Variants in CADPS observed in about 807,000 individuals in gnomAD.
The protein encoded by CADPS is calcium-dependent secretion activator 1.
In CADPS, 57 loss-of-function variants were observed where a neutral mutation model predicts 167.3. The ratio of observed to expected loss-of-function variants is 0.34; its 90% CI spans 0.28 to 0.42. The LOEUF (loss-of-function observed/expected upper bound fraction) is 0.42. CADPS is among the 20% of genes least tolerant of loss of function. CADPS has a pLI of 1.00. For synonymous variants in CADPS, 676 were observed against 635.3 expected (o/e 1.06, Z -0.96); for missense variants, 1,414 against 1,738.1 (o/e 0.81, Z 3.32).
In CADPS at chr3:62,455,708, A is replaced by G. The variant is rs1234600136; in HGVS notation, c.3636+9659T>C. Among the ~76,000 whole-genome samples, 1 of 152,160 alleles carries G rather than the reference A, an allele frequency of 6.6e-6. No homozygotes were observed. The highest frequency in any genetic ancestry group is 1.5e-5 in the Non-Finnish European group (1 of 68,030). On this transcript the variant is annotated intron_variant, in intron 26 of 29. Transcript: ENST00000383710. The surrounding 1 kb of genome is among the most constrained non-coding windows in gnomAD (Gnocchi z 4.4). The stretch of plus-strand genomic sequence containing the variant: ...TTTGTGTTTTGTTTGCCTTTTGAAC[A>G]TCTCTCAACACTAAGAAGGGTGACA...
At chr3:62,529,294 T>A (rs1424472531) in intron 13 of CADPS, among the ~76,000 whole-genome samples, 1 of 152,188 alleles carries the variant, frequency 6.6e-6, no homozygotes, top group South Asian at 2.1e-4. Flanking sequence ...TAAGCCTCAA[T>A]AGGACCAGTC....
At chr3:62,859,028 A>G (rs2080243431) in intron 1 of CADPS, among the ~76,000 whole-genome samples, 1 of 152,150 alleles carries the variant, frequency 6.6e-6, no homozygotes. Context: ...ATGCCAAAGG[A>G]TAGTAATTAG....
intron 3 of CADPS, among the ~76,000 whole-genome samples, chr3:62,715,564 T>C (rs2084357705): frequency 6.6e-6 from 1 of 150,964 alleles, no homozygotes; most frequent in Non-Finnish European, 1.5e-5. Flanking sequence ...ATATCATAAA[T>C]ACTATAATAC....
At chr3:62,554,076 G>A (rs1162172860) in intron 10 of CADPS, among the ~76,000 whole-genome samples, 2 of 152,186 alleles carry the variant, frequency 1.3e-5, no homozygotes, top group Admixed American at 6.5e-5. Flanking sequence ...GTCTTTATGA[G>A]TCGTATAAGA....
Position 62,556,034 on chromosome 3 carries a change from A to G in CADPS, c.1753+1371T>C, listed in dbSNP as rs2078086493. ...TTGCAGATGTGAGCCACCACTCCTC[A>G]CCCTAGCCTTCTACTTAAAAATAAA... On this transcript the variant is annotated intron_variant, in intron 10 of 29. Coordinates refer to ENST00000383710, the MANE Select transcript of CADPS (RefSeq NM_003716.4). Among the ~76,000 whole-genome samples the G allele has an allele frequency of 8.5e-5, 13 of 152,140 alleles. 1 individual carries two copies. The South Asian group carries it at 2.3e-3, about 27-fold the overall frequency.
At chr3:62,515,147 C>T (rs1239989648) in intron 16 of CADPS, among the ~76,000 whole-genome samples, 1 of 152,000 alleles carries the variant, frequency 6.6e-6, no homozygotes, top group African/African-American at 2.4e-5. Flanking sequence ...TTTCTTTTCC[C>T]CCCAGTTGTC....
At chr3:62,859,588 G>T (rs536071561) in intron 1 of CADPS, among the ~76,000 whole-genome samples, 12 of 152,248 alleles carry the variant, frequency 7.9e-5, no homozygotes, top group Admixed American at 6.5e-4. Flanking sequence ...TACTTTGAAG[G>T]TCTATACTGC....
intron 3 of CADPS, among the ~76,000 whole-genome samples, chr3:62,750,051 G>T (rs1194728777): frequency 6.6e-6 from 1 of 152,052 alleles, no homozygotes; most frequent in Non-Finnish European, 1.5e-5. Context: ...ATAAAGACAG[G>T]TTTAAAAAGT....
intron 17 of CADPS, among the ~76,000 whole-genome samples, chr3:62,509,090 G>A (rs9859155): frequency 1.5e-4 from 23 of 151,676 alleles, no homozygotes; most frequent in African/African-American, 5.6e-4. Context: ...ATCACTTGAG[G>A]CCAGGAGTTC....
chr3:62,739,575 A>G (rs1473045283), intron 3 of CADPS, among the ~76,000 whole-genome samples: 1 of 152,192 alleles, frequency 6.6e-6, no homozygotes, highest in Non-Finnish European at 1.5e-5. Flanking sequence ...CCTATACATA[A>G]GGATTTCACA....
At chr3:62,727,138 A>G (rs912458172) in intron 3 of CADPS, among the ~76,000 whole-genome samples, 5 of 151,826 alleles carry the variant, frequency 3.3e-5, no homozygotes, top group Non-Finnish European at 7.3e-5. Flanking sequence ...CTTCTACCCA[A>G]AAGAAAGAGA....
At chr3:62,822,872 T>C (rs2152942037) in intron 1 of CADPS, among the ~76,000 whole-genome samples, 1 of 151,768 alleles carries the variant, frequency 6.6e-6, no homozygotes, top group Admixed American at 6.6e-5. Context: ...TAAAATTAAA[T>C]TAAAAAAATA....
intron 2 of CADPS, among the ~76,000 whole-genome samples, chr3:62,757,267 C>T (rs897512532): frequency 1.3e-5 from 2 of 152,166 alleles, no homozygotes; most frequent in African/African-American, 2.4e-5. Flanking sequence ...GTTATAAGCT[C>T]TCAGCCCCAG....
At chr3:62,444,302 G>A (rs182285182) in intron 27 of CADPS, among the ~76,000 whole-genome samples, 2 of 152,274 alleles carry the variant, frequency 1.3e-5, no homozygotes, top group Non-Finnish European at 2.9e-5. Context: ...AATAGAGTGT[G>A]GACATCACAC....
chr3:62,651,195 C>T (rs967661062), intron 4 of CADPS, 115 bp from the exon 5 acceptor site: 72 of 711,420 alleles, frequency 1.0e-4, no homozygotes, highest in Non-Finnish European at 1.5e-4. Flanking sequence ...GTGAAATTCA[C>T]CCAGATCTCA....
chr3:62,564,359 C>T (rs142089035), intron 9 of CADPS, among the ~76,000 whole-genome samples: 2 of 152,128 alleles, frequency 1.3e-5, no homozygotes, highest in Non-Finnish European at 2.9e-5. Context: ...GGCCACTTAT[C>T]CACTCTGAGC....
At chr3:62,778,048 G>A (rs1032594057) in intron 1 of CADPS, among the ~76,000 whole-genome samples, 1 of 152,206 alleles carries the variant, frequency 6.6e-6, no homozygotes, top group East Asian at 1.9e-4. Context: ...TTATATTATT[G>A]ATAATTTAAA....
chr3:62,553,472 A>T (rs886693108), intron 10 of CADPS, among the ~76,000 whole-genome samples: 4 of 152,160 alleles, frequency 2.6e-5, no homozygotes, highest in African/African-American at 7.2e-5. Flanking sequence ...CTGGCTTTTG[A>T]CCTTGGCTGT....
At chr3:62,660,819 A>C (rs1381379391) in intron 4 of CADPS, among the ~76,000 whole-genome samples, 1 of 152,214 alleles carries the variant, frequency 6.6e-6, no homozygotes, top group Admixed American at 6.5e-5. Context: ...ATTGAAAAAT[A>C]CTTTACTAAA....
Sources: allele counts gnomAD v4.1 joint callset (sites outside exome capture counted in the v4.1 genomes callset), GRCh38; gene constraint gnomAD v4.1.1; non-coding constraint Gnocchi (gnomAD v3.1); transcripts MANE v1.5; gene names NCBI Gene and HGNC (gene_info 2026-07-23, HGNC 2026-07-21).